Variants in DNAH11 observed in about 807,000 individuals in gnomAD.
DNAH11 encodes dynein axonemal heavy chain 11.
A neutral mutation model predicts 526.0 loss-of-function variants in DNAH11; 442 were observed. The observed-to-expected ratio is 0.84, with a 90% CI of 0.78 to 0.91. DNAH11 has a LOEUF of 0.91. Ranked by LOEUF, DNAH11 falls within the 40% of genes least tolerant of loss-of-function variation. The probability of loss-of-function intolerance (pLI) is 0.00; values close to 1 mark genes in which losing one functional copy is unlikely to be tolerated. For synonymous variants in DNAH11, 2,461 were observed against 1,935.9 expected, an observed-to-expected ratio of 1.27 and a Z score of -7.12; for missense variants, 6,989 against 5,448.7, an observed-to-expected ratio of 1.28 and a Z score of -8.90.
At chr7:21,604,727 G>T (rs1272388498) in intron 18 of DNAH11, among the ~76,000 whole-genome samples, 1 of 152,162 alleles carries the variant, frequency 6.6e-6, no homozygotes, top group East Asian at 1.9e-4. Flanking sequence ...CAAATATAAA[G>T]CAGGTTTGTT....
chr7:21,654,864 T>C (rs1239484499), intron 28 of DNAH11, among the ~76,000 whole-genome samples: 1 of 152,146 alleles, frequency 6.6e-6, no homozygotes, highest in Non-Finnish European at 1.5e-5. Context: ...CATGTCATTC[T>C]CTCCTTTCCT....
Position 21,601,428 on chromosome 7 carries a change from C to G in DNAH11, c.3458C>G (p.Thr1153Arg). ...LNELQEFIKETDSGLQRELNE... is the reference protein window; with the variant it reads ...LNELQEFIKERDSGLQRELNE... The stretch of plus-strand genomic sequence containing the variant: ...GAGCTACAAGAATTTATAAAGGAGA[C>G]AGATTCCGGACTTCAGAGAGAATTA... The change falls in exon 18 of 82, where the codon ACA becomes AGA. Residue 1153 changes from threonine to arginine, a missense_variant. Coordinates refer to ENST00000409508, the MANE Select transcript of DNAH11 (RefSeq NM_001277115.2). The G allele has an allele frequency of 6.2e-7, 1 of 1,613,130 alleles. No individual in the cohort carries two copies. The highest frequency in any genetic ancestry group is 1.3e-5 in the African/African-American group (1 of 75,014).
chr7:21,822,597 G>A (rs1790102681), intron 65 of DNAH11, among the ~76,000 whole-genome samples: 1 of 152,174 alleles, frequency 6.6e-6, no homozygotes, highest in African/African-American at 2.4e-5. Flanking sequence ...ACATGGGAAT[G>A]CAGATACTTT....
intron 65 of DNAH11, among the ~76,000 whole-genome samples, chr7:21,831,982 C>T (rs968928996): frequency 1.3e-5 from 2 of 151,568 alleles, no homozygotes; most frequent in Non-Finnish European, 2.9e-5. Context: ...CCCAGCTACT[C>T]GGGAGGCTGA....
intron 54 of DNAH11, among the ~76,000 whole-genome samples, chr7:21,761,629 G>A (rs916381756): frequency 1.9e-4 from 29 of 152,150 alleles, no homozygotes; most frequent in African/African-American, 6.8e-4. Flanking sequence ...TATGTCTGGA[G>A]TTGGTCCAAG....
At chr7:21,788,395 T>C (rs746066295) in intron 60 of DNAH11, among the ~76,000 whole-genome samples, 3 of 152,102 alleles carry the variant, frequency 2.0e-5, no homozygotes, top group Non-Finnish European at 4.4e-5. Context: ...GCAATCTTCA[T>C]AAGGCAAGAG....
chr7:21,854,429 A>T lies in DNAH11; in HGVS notation c.11176A>T (p.Asn3726Tyr). The T allele has an allele frequency of 6.2e-7, 1 of 1,613,868 alleles. No individual in the cohort carries two copies. The highest frequency in any genetic ancestry group is 1.6e-4 in the Middle Eastern group (1 of 6,062). ...TGTTATTAATGACCTCCAAAAAATCAACCCCCTCTACCAATTCTCTTTGAA... is the reference window on the plus strand; with the variant it reads ...TGTTATTAATGACCTCCAAAAAATCTACCCCCTCTACCAATTCTCTTTGAA... ...YFVINDLQKI[N>Y]PLYQFSLKAF... The change falls in exon 68 of 82, where the codon AAC (asparagine) becomes TAC (tyrosine). Residue 3726 changes from asparagine (N) to tyrosine (Y), a missense_variant. Asn to Tyr is a moderately radical substitution (Grantham distance 143). Transcript: ENST00000409508.
intron 18 of DNAH11, among the ~76,000 whole-genome samples, chr7:21,604,021 G>A (rs1188972570): frequency 6.6e-6 from 1 of 152,106 alleles, no homozygotes; most frequent in African/African-American, 2.4e-5. Flanking sequence ...GGCGGTATGT[G>A]GTGTATTTGG....
intron 59 of DNAH11, 67 bp downstream of exon 59, chr7:21,786,834 T>G: frequency 6.4e-7 from 1 of 1,574,078 alleles, no homozygotes; most frequent in Non-Finnish European, 8.7e-7. Flanking sequence ...ACTGTGGTTA[T>G]GCTTAATAGC....
intron 58 of DNAH11, among the ~76,000 whole-genome samples, chr7:21,784,997 C>T (rs182252837): frequency 1.4e-4 from 21 of 152,332 alleles, no homozygotes; most frequent in Admixed American, 7.8e-4. Context: ...ACCATTTCTT[C>T]GAGCTTCATG....
chr7:21,890,182 T>C (rs1028461409), intron 76 of DNAH11, among the ~76,000 whole-genome samples: 2 of 152,190 alleles, frequency 1.3e-5, no homozygotes, highest in Non-Finnish European at 2.9e-5. Context: ...TGCAGATAAA[T>C]TGTCATTTCT....
intron 65 of DNAH11, among the ~76,000 whole-genome samples, chr7:21,832,573 TC>T (rs1238078541): frequency 6.6e-6 from 1 of 152,192 alleles, no homozygotes; most frequent in African/African-American, 2.4e-5. Flanking sequence ...CCAATCTGTG[TC>T]TGAGAACCTC....
At chr7:21,808,198 G>T in intron 63 of DNAH11, 149 bp downstream of exon 63, 4 of 533,662 alleles carry the variant, frequency 7.5e-6, no homozygotes, top group South Asian at 8.8e-5. Context: ...ATGTGCTGCA[G>T]TTTTTCTTAT....
At chr7:21,851,196 G>A (rs1304370979) in intron 66 of DNAH11, 3 of 185,066 alleles carry the variant, frequency 1.6e-5, no homozygotes, top group Middle Eastern at 2.5e-3. Context: ...TGCTGTTCTT[G>A]TGATAGTGAG....
chr7:21,611,580 A>T (rs775674087), intron 20 of DNAH11, among the ~76,000 whole-genome samples: 3 of 152,128 alleles, frequency 2.0e-5, no homozygotes, highest in Non-Finnish European at 4.4e-5. Context: ...CCAAATCCCA[A>T]CCAGGATAAA....
rs75478502 is a variant in DNAH11 at position 21,757,160 on chromosome 7, A to G, written c.8940+6796A>G. The stretch of plus-strand genomic sequence containing the variant: ...GTTCTTTAGAGTTTGCTGCGTAGAC[A>G]GATCATCTTTTGATTTTTAATCCTT... On this transcript the variant is annotated intron_variant, in intron 54 of 81. Coordinates refer to ENST00000409508, the MANE Select transcript of DNAH11 (RefSeq NM_001277115.2). Among the ~76,000 whole-genome samples, 44 of 152,338 alleles carry G rather than the reference A, an allele frequency of 2.9e-4. No homozygotes were observed. The East Asian group carries it at 7.1e-3, about 25-fold the overall frequency.
At chr7:21,702,914 A>G (rs1784124531) in intron 37 of DNAH11, 112 bp downstream of exon 37, 2 of 933,310 alleles carry the variant, frequency 2.1e-6, no homozygotes, top group African/African-American at 1.7e-5. Context: ...AAAAAGCATA[A>G]CATCTGTTGT....
intron 8 of DNAH11, among the ~76,000 whole-genome samples, chr7:21,573,216 T>C (rs1783961664): frequency 6.6e-6 from 1 of 152,216 alleles, no homozygotes; most frequent in Non-Finnish European, 1.5e-5. Context: ...GCCTGCATAG[T>C]CACAAACATG....
chr7:21,708,288 C>T (rs141659188), intron 40 of DNAH11, among the ~76,000 whole-genome samples: 28 of 152,300 alleles, frequency 1.8e-4, no homozygotes, highest in East Asian at 1.7e-3. Context: ...ACAGTAAATG[C>T]GCTAACCTTG....
Sources: allele counts gnomAD v4.1 joint callset (sites outside exome capture counted in the v4.1 genomes callset), GRCh38; gene constraint gnomAD v4.1.1; transcripts MANE v1.5; gene names NCBI Gene and HGNC (gene_info 2026-07-23, HGNC 2026-07-21).